The following ENTPD1 variants were observed in gnomAD, a reference collection of about 807,000 sequenced individuals.
The protein encoded by ENTPD1 is ectonucleoside triphosphate diphosphohydrolase 1, also known as ATP diphosphohydrolase.
Under a neutral mutation model 57.0 loss-of-function variants are expected in ENTPD1, and 33 were observed. The observed-to-expected ratio is 0.58, with a 90% CI of 0.44 to 0.77. The LOEUF is 0.77. ENTPD1 is among the 30% of genes least tolerant of loss of function. ENTPD1 has a pLI of 0.00. For synonymous variants in ENTPD1, 202 were observed against 218.8 expected (o/e 0.92, Z 0.68); for missense variants, 501 against 603.4 (o/e 0.83, Z 1.78).
At chr10:95,863,788 G>A (rs2098469421) in intron 8 of ENTPD1, among the ~76,000 whole-genome samples, 1 of 152,244 alleles carries the variant, frequency 6.6e-6, no homozygotes, top group Admixed American at 6.5e-5. Flanking sequence ...CATAGTTCCA[G>A]ATGGTACATG....
upstream of ENTPD1, among the ~76,000 whole-genome samples, chr10:95,708,237 CAG>C (rs1026280877): frequency 2.7e-5 from 4 of 147,538 alleles, no homozygotes; most frequent in African/African-American, 1.0e-4. Flanking sequence ...TTTTTTGAGA[CAG>C]AGTCTCACTC....
chr10:95,757,430 C>G lies in ENTPD1; in HGVS notation c.16+1175C>G, dbSNP rs530209278. Among the ~76,000 whole-genome samples the G allele has an allele frequency of 3.3e-4, 50 of 151,990 alleles. No homozygotes were observed. The South Asian group carries it at 1.0e-2, about 30-fold the overall frequency. Reference sequence around the variant, plus strand: ...TCTGAGGCAGGGCTGGTGGGCTTTTCCACTCCCCAATACTGTTTCTCTGCT... The same window carrying G: ...TCTGAGGCAGGGCTGGTGGGCTTTTGCACTCCCCAATACTGTTTCTCTGCT... On this transcript the variant is annotated intron_variant, in intron 1 of 9. Transcript: ENST00000371205.
chr10:95,755,485 A>G (rs1305486082), upstream of ENTPD1: 1 of 580,232 alleles, frequency 1.7e-6, no homozygotes, highest in Non-Finnish European at 3.1e-6. Flanking sequence ...GTGGTAATTC[A>G]TGCTCATTAG....
At position 95,871,027 on chromosome 10, in the gene ENTPD1, G is replaced by A. The variant is rs1398683178; in HGVS notation, c.*4644G>A. 1 of 985,430 alleles carries A rather than the reference G, an allele frequency of 1.0e-6. No individual in the cohort carries two copies. Among genetic ancestry groups the A allele is most frequent in the Non-Finnish European group, 1.2e-6 (1 of 829,942 alleles). 61.0% of individuals were successfully genotyped at this position (985,430 alleles called of 1,614,324 possible). ...GAACCCCGCAGAGGCTCGTGAAAGT[G>A]AGAGGAAACTAGGATGCCTCTTAAG... is the stretch of plus-strand genomic sequence containing the variant. On this transcript the variant is annotated 3_prime_UTR_variant, in exon 10 of 10. Transcript: ENST00000371205.
chr10:95,848,065 T>TG (rs766575538), intron 7 of ENTPD1, among the ~76,000 whole-genome samples: 1 of 152,044 alleles, frequency 6.6e-6, no homozygotes, highest in Non-Finnish European at 1.5e-5. Context: ...CCCAGCAGTG[T>TG]GGGAAAACTG....
At chr10:95,738,501 G>A (rs954470060) in intron 1 of ENTPD1, among the ~76,000 whole-genome samples, 2 of 152,150 alleles carry the variant, frequency 1.3e-5, no homozygotes, top group Non-Finnish European at 2.9e-5. Flanking sequence ...CACCAAAGCT[G>A]GATATAGTGG....
intron 1 of ENTPD1, among the ~76,000 whole-genome samples, chr10:95,817,032 A>G (rs545470537): frequency 6.6e-6 from 1 of 152,324 alleles, no homozygotes; most frequent in East Asian, 1.9e-4. Flanking sequence ...CCATGAGGAA[A>G]TGGAGGCTTA....
intron 1 of ENTPD1, among the ~76,000 whole-genome samples, chr10:95,794,855 G>A (rs1476945917): frequency 6.6e-6 from 1 of 152,108 alleles, no homozygotes; most frequent in Non-Finnish European, 1.5e-5. Flanking sequence ...TCTGGGCGAG[G>A]ACAGCATAGT....
chr10:95,781,045 T>TACATATAC (rs2098155554), intron 1 of ENTPD1, among the ~76,000 whole-genome samples: 2 of 152,214 alleles, frequency 1.3e-5, no homozygotes, highest in South Asian at 4.1e-4. Flanking sequence ...TAAAATGTGG[T>TACATATAC]ACATATACAC....
At chr10:95,753,379 T>C (rs1047285483), upstream of ENTPD1, 1 of 152,208 alleles carries the variant, frequency 6.6e-6, no homozygotes, top group Non-Finnish European at 1.5e-5. Flanking sequence ...GATTAAATTG[T>C]AGCACAGAGC....
At chr10:95,721,926 C>T (rs2097977913) in intron 1 of ENTPD1, among the ~76,000 whole-genome samples, 1 of 152,154 alleles carries the variant, frequency 6.6e-6, no homozygotes, top group African/African-American at 2.4e-5. Flanking sequence ...TACCAGCATG[C>T]CCAACATTGC....
chr10:95,781,105 T>A (rs2098155864), intron 1 of ENTPD1, among the ~76,000 whole-genome samples: 1 of 152,180 alleles, frequency 6.6e-6, no homozygotes, highest in Non-Finnish European at 1.5e-5. Context: ...TTATTTGCAA[T>A]AACATGGATA....
Position 95,770,137 on chromosome 10 carries a change from G to GA in ENTPD1, c.16+13895dup, listed in dbSNP as rs59046249. On this transcript the variant is annotated intron_variant, in intron 1 of 9. Coordinates refer to ENST00000371205, the MANE Select transcript of ENTPD1 (RefSeq NM_001776.6). ...GAGACTGGGTAAGTGAGTGTAACTA[G>GA]AAAAAAAAAAAAACGACAATGCTCT... Among the ~76,000 whole-genome samples the GA allele has an allele frequency of 2.3e-3, 302 of 129,536 alleles. 1 individual carries two copies. Among genetic ancestry groups the GA allele is most frequent in the South Asian group, 5.6e-3 (20 of 3,592 alleles). 85.0% of individuals were successfully genotyped at this position (129,536 alleles called of 152,430 possible).
Position 95,872,931 on chromosome 10 carries a change from G to A in ENTPD1, c.*6548G>A. 1.0e-6 allele frequency: 1 copy of A among 985,316 alleles called. No homozygotes were observed. Among genetic ancestry groups the A allele is most frequent in the Non-Finnish European group, 1.2e-6 (1 of 829,922 alleles). 61.0% of individuals were successfully genotyped at this position (985,316 alleles called of 1,614,324 possible). ...CTTTAGTTTCTGTGTAGTTTGCCAT[G>A]CAGCACTTCATTGTACACATTATTA... On this transcript the variant is annotated 3_prime_UTR_variant, in exon 10 of 10. Transcript: ENST00000371205.
intron 7 of ENTPD1, among the ~76,000 whole-genome samples, chr10:95,856,340 A>G (rs904657570): frequency 1.3e-5 from 2 of 152,198 alleles, no homozygotes; most frequent in African/African-American, 2.4e-5. Flanking sequence ...AAATCAAAAA[A>G]TAATAGATGT....
chr10:95,814,719 A>C (rs1252981902), intron 1 of ENTPD1, among the ~76,000 whole-genome samples: 1 of 152,222 alleles, frequency 6.6e-6, no homozygotes, highest in African/African-American at 2.4e-5. Context: ...GGCTAATTAA[A>C]AGTTCAAAGA....
At chr10:95,779,693 G>T (rs2140171183) in intron 1 of ENTPD1, among the ~76,000 whole-genome samples, 1 of 151,844 alleles carries the variant, frequency 6.6e-6, no homozygotes, top group East Asian at 1.9e-4. Flanking sequence ...TACCTCCTAG[G>T]GTCTTTTTTT....
intron 1 of ENTPD1, among the ~76,000 whole-genome samples, chr10:95,723,100 A>G (rs1433646287): frequency 9.2e-5 from 14 of 152,206 alleles, no homozygotes. Context: ...CAGTGGTCTC[A>G]GTGTTTTCAG....
chr10:95,740,086 G>T (rs2097998809), intron 1 of ENTPD1, among the ~76,000 whole-genome samples: 1 of 152,110 alleles, frequency 6.6e-6, no homozygotes, highest in Non-Finnish European at 1.5e-5. Context: ...AGTCATCCAG[G>T]CTTTTTTATT....
Sources: gnomAD v4.1 joint callset for allele counts (sites outside exome capture counted in the v4.1 genomes callset) on GRCh38, gnomAD v4.1.1 for gene constraint, MANE v1.5 for transcripts, NCBI Gene and HGNC (gene_info 2026-07-23, HGNC 2026-07-21) for gene names.